SLCO1B3: variants seen among roughly 807,000 people sequenced by gnomAD.
SLCO1B3 encodes the protein liver-specific organic anion transporter 2.
In SLCO1B3, 72 loss-of-function variants were observed where a neutral mutation model predicts 71.8. The ratio of observed to expected loss-of-function variants is 1.00; its 90% confidence interval spans 0.83 to 1.22. The LOEUF (loss-of-function observed/expected upper bound fraction) is 1.22. SLCO1B3 is among the 50% of genes most tolerant of loss of function. SLCO1B3 has a pLI of 0.00. For missense variants in SLCO1B3, 911 were observed against 819.7 expected, an observed-to-expected ratio of 1.11 and a Z score of -1.36; for synonymous variants, 298 against 278.4, an observed-to-expected ratio of 1.07 and a Z score of -0.70.
chr12:20,898,443 C>T lies in SLCO1B3; in HGVS notation c.1690C>T (p.Gln564Ter), dbSNP rs1415337074. The T allele has an allele frequency of 6.9e-6, 11 of 1,593,662 alleles. No homozygotes were observed. The Admixed American group carries it at 1.2e-4, about 17-fold the overall frequency. ...GCCTTTATCATATTTCAGGATTGTT[C>T]AACCTGAATTGAAAGCACTTGCAAT... is the stretch of plus-strand genomic sequence containing the variant. ...TFILLTVKIVQPELKALAMGF... is the reference protein window; with the variant it reads ...TFILLTVKIV The change falls in exon 14 of 16, where the codon CAA becomes TAA. Residue 564 changes from glutamine (Q) to a stop codon, truncating the protein, a stop_gained. Transcript: ENST00000381545. LOFTEE classifies it high-confidence loss of function.
In SLCO1B3 at chr12:20,880,846, T is replaced by C; in HGVS notation, c.1332-9T>C. ...CTTTTTTTGATATATTTCTATCATATATTTTCAGAAATAATTCAGTGGCAT... is the reference window on the plus strand; with the variant it reads ...CTTTTTTTGATATATTTCTATCATACATTTTCAGAAATAATTCAGTGGCAT... On this transcript the variant is annotated splice_polypyrimidine_tract_variant and intron_variant, in intron 11 of 15. Coordinates refer to ENST00000381545, the MANE Select transcript of SLCO1B3 (RefSeq NM_019844.4). 6.4e-7 allele frequency: 1 copy of C among 1,561,752 alleles called. No individual in the cohort carries two copies. Among genetic ancestry groups the C allele is most frequent in the Non-Finnish European group, 8.8e-7 (1 of 1,141,396 alleles).
chr12:20,834,538 A>G (rs2121145858), intron 3 of SLCO1B3, among the ~76,000 whole-genome samples: 1 of 149,712 alleles, frequency 6.7e-6, no homozygotes, highest in African/African-American at 2.4e-5. Flanking sequence ...TATATAATAT[A>G]TATGTAATTT....
intron 3 of SLCO1B3, among the ~76,000 whole-genome samples, chr12:20,821,655 A>G (rs1399519590): frequency 2.0e-5 from 3 of 152,138 alleles, no homozygotes; most frequent in African/African-American, 7.2e-5. Context: ...CCCCTCCCCC[A>G]GAAAAGCAGA....
intron 6 of SLCO1B3, 75 bp downstream of exon 6, chr12:20,861,213 C>T (rs1322075251): frequency 7.6e-7 from 1 of 1,317,920 alleles, no homozygotes; most frequent in Non-Finnish European, 1.0e-6. Flanking sequence ...TTCTGATATT[C>T]TTTAACAAAA....
intron 15 of SLCO1B3, among the ~76,000 whole-genome samples, chr12:20,905,068 A>G (rs1306080921): frequency 6.6e-6 from 1 of 151,926 alleles, no homozygotes; most frequent in African/African-American, 2.4e-5. Context: ...TAAGCCCAAC[A>G]CCATGTGAAA....
At chr12:20,852,603 G>A (rs1865047968) in intron 3 of SLCO1B3, among the ~76,000 whole-genome samples, 1 of 152,102 alleles carries the variant, frequency 6.6e-6, no homozygotes, top group Non-Finnish European at 1.5e-5. Flanking sequence ...CCATTTATTT[G>A]TGTTTTATTT....
intron 8 of SLCO1B3, among the ~76,000 whole-genome samples, chr12:20,868,113 A>G (rs751588462): frequency 1.3e-5 from 2 of 151,838 alleles, no homozygotes; most frequent in African/African-American, 4.8e-5. Flanking sequence ...TTTATAATAC[A>G]TACAGCATGC....
chr12:20,886,944 C>G (rs911565882), intron 13 of SLCO1B3, among the ~76,000 whole-genome samples: 1 of 151,990 alleles, frequency 6.6e-6, no homozygotes, highest in Non-Finnish European at 1.5e-5. Flanking sequence ...TTGTTTAGCT[C>G]CCACATCAAA....
In SLCO1B3 at chr12:20,893,282, A is replaced by G. The variant is rs148267588; in HGVS notation, c.1683-5154A>G. ...CCAGAGAACATTGGGAGCATAATCT[A>G]TATGATCTATATTTCCTAAAATAAC... On this transcript the variant is annotated intron_variant, in intron 13 of 15. Transcript: ENST00000381545. Among the ~76,000 whole-genome samples, 65 of 152,326 alleles carry G rather than the reference A, an allele frequency of 4.3e-4. No individual in the cohort carries two copies. In the East Asian group the frequency reaches 0.011, roughly 26 times the overall value.
intron 10 of SLCO1B3, 29 bp from the exon 11 acceptor site, chr12:20,879,407 A>T: frequency 1.4e-6 from 2 of 1,463,684 alleles, no homozygotes; most frequent in Non-Finnish European, 1.9e-6. Flanking sequence ...TTGTATAATT[A>T]TAGCTTTTTT....
rs146186543 is a variant in SLCO1B3 at position 20,849,711 on chromosome 12, T to TCA, written c.85-5284_85-5283dup. ...TAAAGAAAAATTACATAGTAGAAAA[T>TCA]CACACACACACACACACACACACAC... On this transcript the variant is annotated intron_variant, in intron 3 of 15. Coordinates refer to ENST00000381545, the MANE Select transcript of SLCO1B3 (RefSeq NM_019844.4). 9.0e-3 allele frequency among the ~76,000 whole-genome samples: 1,131 copies of TCA among 126,354 alleles called. 4 individuals are homozygous for TCA. The highest frequency in any genetic ancestry group is 0.015 in the African/African-American group (563 of 38,292). The allele number at this position is 126,354 out of a possible 152,430, so 82.9% of individuals were successfully genotyped here.
At chr12:20,822,387 G>T (rs1301725728) in intron 3 of SLCO1B3, among the ~76,000 whole-genome samples, 1 of 152,080 alleles carries the variant, frequency 6.6e-6, no homozygotes, top group African/African-American at 2.4e-5. Flanking sequence ...AGGGGCGGGG[G>T]TCACAAGGTG....
chr12:20,830,766 G>C (rs1444625185), intron 3 of SLCO1B3, among the ~76,000 whole-genome samples: 1 of 152,126 alleles, frequency 6.6e-6, no homozygotes, highest in African/African-American at 2.4e-5. Flanking sequence ...GAGCTATCTG[G>C]TAAAGTCTAT....
intron 3 of SLCO1B3, among the ~76,000 whole-genome samples, chr12:20,838,089 CT>C (rs540398027): frequency 3.5e-4 from 52 of 149,470 alleles, no homozygotes; most frequent in Non-Finnish European, 2.5e-4. Context: ...CCCCTCCCAC[CT>C]TTTTTTTTAA....
chr12:20,871,450 G>A (rs1305513689), intron 8 of SLCO1B3, among the ~76,000 whole-genome samples: 3 of 151,996 alleles, frequency 2.0e-5, no homozygotes, highest in Non-Finnish European at 4.4e-5. Context: ...TGTTTTCCTG[G>A]CTCATCTTAG....
chr12:20,877,776 T>C lies in SLCO1B3; in HGVS notation c.975T>C (p.Phe325=). The change falls in exon 10 of 16, where the codon TTT becomes TTC. Residue 325 remains phenylalanine (F), a synonymous_variant. Transcript: ENST00000381545. ...GKNVTKNVTG[F]FQSLKSILTN... ...GTTATTTTTATAACTCTATAGGTTTTTTCCAGTCTTTGAAAAGCATCCTTA... is the reference window on the plus strand; with the variant it reads ...GTTATTTTTATAACTCTATAGGTTTCTTCCAGTCTTTGAAAAGCATCCTTA... The C allele has an allele frequency of 7.1e-7, 1 of 1,406,618 alleles. No individual in the cohort carries two copies. The highest frequency in any genetic ancestry group is 9.4e-7 in the Non-Finnish European group (1 of 1,060,150). The allele number at this position is 1,406,618 out of a possible 1,614,324, so 87.1% of individuals were successfully genotyped here.
chr12:20,857,240 T>A (rs1006374884), intron 4 of SLCO1B3, among the ~76,000 whole-genome samples: 2 of 152,134 alleles, frequency 1.3e-5, no homozygotes, highest in African/African-American at 4.8e-5. Flanking sequence ...TATCCGAGAC[T>A]CTATCTTTCT....
chr12:20,849,809 T>G (rs551541592), intron 3 of SLCO1B3, among the ~76,000 whole-genome samples: 5 of 151,364 alleles, frequency 3.3e-5, no homozygotes, highest in African/African-American at 1.2e-4. Context: ...GTAAATCCAT[T>G]TATCATAGCA....
Position 20,854,110 on chromosome 12 carries a change from G to T in SLCO1B3, c.85-918G>T, listed in dbSNP as rs529352978. Among the ~76,000 whole-genome samples, 4 of 152,134 alleles carry T rather than the reference G, an allele frequency of 2.6e-5. 1 individual carries two copies. The highest frequency in any genetic ancestry group is 4.1e-4 in the South Asian group (2 of 4,832). On this transcript the variant is annotated intron_variant, in intron 3 of 15. Transcript: ENST00000381545. ...CAACATTTTTAATTTGTTAAGATTT[G>T]TTGTGTGGGCCACGGTGGTCTATCT...
Sources: gnomAD v4.1 joint callset for allele counts (sites outside exome capture counted in the v4.1 genomes callset) on GRCh38, gnomAD v4.1.1 for gene constraint, MANE v1.5 for transcripts, NCBI Gene and HGNC (gene_info 2026-07-23, HGNC 2026-07-21) for gene names.